KIAA1328: variants seen among roughly 807,000 people sequenced by gnomAD.
KIAA1328 encodes the protein protein hinderin.
KIAA1328 carries 52 observed loss-of-function variants against 68.1 expected under a neutral mutation model. The ratio of observed to expected loss-of-function variants is 0.76; its 90% CI spans 0.61 to 0.96. The LOEUF (loss-of-function observed/expected upper bound fraction) is 0.96. Ranked by LOEUF, KIAA1328 falls within the 40% of genes least tolerant of loss-of-function variation. The pLI is 0.00. For synonymous variants in KIAA1328, 232 were observed against 239.4 expected (o/e 0.97, Z 0.28); for missense variants, 641 against 677.6 (o/e 0.95, Z 0.60).
chr18:37,046,429 C>G (rs2055471990), intron 6 of KIAA1328, among the ~76,000 whole-genome samples: 1 of 152,122 alleles, frequency 6.6e-6, no homozygotes. Flanking sequence ...TTGGTAAGCC[C>G]TGAAATCCAA....
chr18:36,897,902 A>T (rs567399927), intron 5 of KIAA1328, among the ~76,000 whole-genome samples: 73 of 152,178 alleles, frequency 4.8e-4, no homozygotes, highest in African/African-American at 1.6e-3. Context: ...TATTAAATTT[A>T]AAAAAATTAT....
intron 7 of KIAA1328, among the ~76,000 whole-genome samples, chr18:37,108,972 CCT>C (rs1029667339): frequency 2.4e-4 from 36 of 151,280 alleles, no homozygotes; most frequent in African/African-American, 7.8e-4. Flanking sequence ...TGTTCCCCAC[CCT>C]GTGTCCATGT....
At chr18:36,916,126 A>G (rs1457861418) in intron 5 of KIAA1328, among the ~76,000 whole-genome samples, 4 of 152,114 alleles carry the variant, frequency 2.6e-5, no homozygotes, top group Non-Finnish European at 4.4e-5. Context: ...TCTTTCAACT[A>G]TTTGGGGTAA....
At chr18:37,125,829 G>A (rs530254268) in intron 7 of KIAA1328, among the ~76,000 whole-genome samples, 2 of 152,308 alleles carry the variant, frequency 1.3e-5, no homozygotes, top group Admixed American at 6.5e-5. Context: ...TCAAAACACA[G>A]GCACACACAG....
At chr18:36,928,775 T>C (rs2050213055) in intron 5 of KIAA1328, among the ~76,000 whole-genome samples, 1 of 152,226 alleles carries the variant, frequency 6.6e-6, no homozygotes, top group South Asian at 2.1e-4. Context: ...TGTGTTGTTG[T>C]GTTTCACTAA....
At chr18:37,213,738 T>A (rs2060365550) in intron 9 of KIAA1328, among the ~76,000 whole-genome samples, 1 of 152,206 alleles carries the variant, frequency 6.6e-6, no homozygotes, top group African/African-American at 2.4e-5. Flanking sequence ...TCTTCCACAA[T>A]GGTTGAACTA....
intron 6 of KIAA1328, among the ~76,000 whole-genome samples, chr18:36,989,020 A>T (rs945641770): frequency 4.6e-5 from 7 of 152,204 alleles, no homozygotes; most frequent in African/African-American, 1.7e-4. Flanking sequence ...TTATCATGCT[A>T]TTGCTGTAAT....
chr18:37,015,076 T>C (rs1368798156), intron 6 of KIAA1328, among the ~76,000 whole-genome samples: 1 of 152,056 alleles, frequency 6.6e-6, no homozygotes, highest in Non-Finnish European at 1.5e-5. Context: ...CTAATTTTAG[T>C]ATTTTTAGTA....
chr18:37,023,855 A>G (rs968680466), intron 6 of KIAA1328, among the ~76,000 whole-genome samples: 3 of 152,120 alleles, frequency 2.0e-5, no homozygotes, highest in Non-Finnish European at 4.4e-5. Flanking sequence ...GTTTTCTTAC[A>G]TGGGTAAATT....
intron 7 of KIAA1328, among the ~76,000 whole-genome samples, chr18:37,082,434 A>G (rs983241917): frequency 1.3e-5 from 2 of 152,166 alleles, no homozygotes; most frequent in Admixed American, 6.5e-5. Context: ...GGTCTCCCAA[A>G]GTGCTGGGAT....
chr18:37,017,506 A>G (rs1446571518), intron 6 of KIAA1328, among the ~76,000 whole-genome samples: 1 of 152,128 alleles, frequency 6.6e-6, no homozygotes, highest in Non-Finnish European at 1.5e-5. Flanking sequence ...GTTTAAGTCC[A>G]GAATTTCTTT....
chr18:37,041,680 A>G (rs575930734), intron 6 of KIAA1328, among the ~76,000 whole-genome samples: 4 of 145,706 alleles, frequency 2.7e-5, no homozygotes, highest in Non-Finnish European at 6.1e-5. Flanking sequence ...GTGTGTGTAT[A>G]CACATTTTGT....
chr18:37,100,275 A>C (rs895349123), intron 7 of KIAA1328, among the ~76,000 whole-genome samples: 1 of 152,188 alleles, frequency 6.6e-6, no homozygotes, highest in African/African-American at 2.4e-5. Flanking sequence ...TCCTAGTCAA[A>C]GAAAGGGGTG....
At position 37,046,842 on chromosome 18, in the gene KIAA1328, T is replaced by A. The variant is rs557101997; in HGVS notation, c.577-20048T>A. Among the ~76,000 whole-genome samples, 11 of 152,252 alleles carry A rather than the reference T, an allele frequency of 7.2e-5. No homozygotes were observed. The South Asian group carries it at 1.0e-3, about 14-fold the overall frequency. On this transcript the variant is annotated intron_variant, in intron 6 of 9. Coordinates refer to ENST00000280020, the MANE Select transcript of KIAA1328 (RefSeq NM_020776.3). ...GGTGCCTGATTTTTACATAAAAAGG[T>A]AGTTCCAGCTGGGCGCGGTGGCTCA...
At chr18:36,867,491 C>G (rs2047794400) in intron 4 of KIAA1328, among the ~76,000 whole-genome samples, 1 of 152,212 alleles carries the variant, frequency 6.6e-6, no homozygotes, top group Admixed American at 6.5e-5. Context: ...GCCAGAATGG[C>G]CTAATACAGC....
At chr18:37,181,806 C>CT (rs1232516484) in intron 9 of KIAA1328, among the ~76,000 whole-genome samples, 6 of 152,118 alleles carry the variant, frequency 3.9e-5, no homozygotes, top group African/African-American at 1.4e-4. Context: ...GTTGTAAGAG[C>CT]TGTTTTACTT....
At chr18:37,040,962 T>C (rs1599054692) in intron 6 of KIAA1328, among the ~76,000 whole-genome samples, 1 of 151,764 alleles carries the variant, frequency 6.6e-6, no homozygotes, top group Non-Finnish European at 1.5e-5. Context: ...AATTTTTTAA[T>C]TTTAAAAAAA....
chr18:36,835,025 A>C (rs552222136), intron 2 of KIAA1328, among the ~76,000 whole-genome samples: 33 of 152,274 alleles, frequency 2.2e-4, no homozygotes, highest in Non-Finnish European at 3.7e-4. Flanking sequence ...AAATATAAAA[A>C]CAAATTTCAA....
At chr18:37,032,728 G>A (rs1216786110) in intron 6 of KIAA1328, among the ~76,000 whole-genome samples, 5 of 151,986 alleles carry the variant, frequency 3.3e-5, no homozygotes, top group South Asian at 4.2e-4. Context: ...CGCAACCTCC[G>A]CCTCCCAGAT....
Sources: allele counts gnomAD v4.1 joint callset (sites outside exome capture counted in the v4.1 genomes callset), GRCh38; gene constraint gnomAD v4.1.1; transcripts MANE v1.5; gene names NCBI Gene and HGNC (gene_info 2026-07-23, HGNC 2026-07-21).